The following BBS4 variants were observed in gnomAD, a reference collection of about 807,000 sequenced individuals.
BBS4 encodes the protein BBSome complex member BBS4.
A neutral mutation model predicts 71.4 loss-of-function variants in BBS4; 58 were observed. The observed-to-expected ratio is 0.81, with a 90% CI of 0.66 to 1.01. The LOEUF (loss-of-function observed/expected upper bound fraction) is 1.01. Among genes scored for constraint, BBS4 ranks in the 50% least tolerant of loss-of-function variants. The pLI is 0.00. For missense variants in BBS4, 660 were observed against 607.9 expected, an observed-to-expected ratio of 1.09 and a Z score of -0.90; for synonymous variants, 228 against 216.8, an observed-to-expected ratio of 1.05 and a Z score of -0.46.
chr15:72,728,523 A>G (rs1228670410), intron 9 of BBS4, among the ~76,000 whole-genome samples: 1 of 152,022 alleles, frequency 6.6e-6, no homozygotes, highest in Non-Finnish European at 1.5e-5. Context: ...TTCTTATGCT[A>G]TCCAGGAAAG....
chr15:72,719,568 A>G (rs967579847), intron 6 of BBS4, among the ~76,000 whole-genome samples: 3 of 151,942 alleles, frequency 2.0e-5, no homozygotes, highest in Admixed American at 6.6e-5. Flanking sequence ...GAGCAGAAGA[A>G]GAGAACCCAT....
At chr15:72,725,244 G>C (rs531435201) in intron 8 of BBS4, among the ~76,000 whole-genome samples, 44 of 151,942 alleles carry the variant, frequency 2.9e-4, no homozygotes, top group Non-Finnish European at 3.4e-4. Context: ...AAAAAAAACT[G>C]TTTTTGTGTT....
chr15:72,738,309 ATGAG>A lies in BBS4; in HGVS notation c.*724_*727del, dbSNP rs1567437720. The A allele has an allele frequency of 4.4e-6, 2 of 454,126 alleles. No homozygotes were observed. The highest frequency in any genetic ancestry group is 4.7e-5 in the Admixed American group (2 of 42,580). 28.1% of individuals were successfully genotyped at this position (454,126 alleles called of 1,614,324 possible). On this transcript the variant is annotated 3_prime_UTR_variant, in exon 16 of 16. Transcript: ENST00000268057. The stretch of plus-strand genomic sequence containing the variant: ...AAAGAAAAAAGGAAGAGTTTCTTAG[ATGAG>A]TAATTGTTATTGAAGATAGTCAGTG...
intron 13 of BBS4, 47 bp from the exon 14 acceptor site, chr15:72,735,778 C>G (rs1302321929): frequency 6.2e-7 from 1 of 1,612,388 alleles, no homozygotes; most frequent in South Asian, 1.1e-5. Context: ...TCTAAATGAC[C>G]ATTTGTTGCA....
At chr15:72,734,759 G>A (rs2065888220) in intron 12 of BBS4, among the ~76,000 whole-genome samples, 2 of 152,218 alleles carry the variant, frequency 1.3e-5, no homozygotes, top group African/African-American at 4.8e-5. Context: ...GGATTCCTAA[G>A]TAGGATGGTA....
chr15:72,694,926 A>T (rs2065048378), intron 1 of BBS4, among the ~76,000 whole-genome samples: 2 of 152,208 alleles, frequency 1.3e-5, no homozygotes, highest in African/African-American at 4.8e-5. Context: ...TATATACTAT[A>T]ATTATACATT....
At chr15:72,730,692 C>T (rs571558167) in intron 10 of BBS4, among the ~76,000 whole-genome samples, 1 of 152,278 alleles carries the variant, frequency 6.6e-6, no homozygotes, top group East Asian at 1.9e-4. Context: ...GGAATAGCAT[C>T]AAATGGATGA....
At chr15:72,728,103 A>G (rs1283577348) in intron 9 of BBS4, 109 bp downstream of exon 9, 1 of 776,464 alleles carries the variant, frequency 1.3e-6, no homozygotes, top group Non-Finnish European at 2.3e-6. Context: ...AAGGTCATAT[A>G]AAGTTCATGA....
chr15:72,714,077 T>C (rs762869860), intron 4 of BBS4, among the ~76,000 whole-genome samples: 2 of 152,066 alleles, frequency 1.3e-5, no homozygotes, highest in African/African-American at 2.4e-5. Context: ...GGATTGCTTG[T>C]AATCAAGCTA....
At chr15:72,734,020 G>A (rs993821959) in intron 12 of BBS4, among the ~76,000 whole-genome samples, 1 of 152,188 alleles carries the variant, frequency 6.6e-6, no homozygotes, top group East Asian at 1.9e-4. Flanking sequence ...TCTCTAATCA[G>A]TGATAGAGTT....
chr15:72,697,390 C>T (rs960530242), intron 2 of BBS4, among the ~76,000 whole-genome samples: 5 of 152,118 alleles, frequency 3.3e-5, no homozygotes, highest in Admixed American at 1.3e-4. Context: ...GTTTTTTCAG[C>T]TTTGGCATGA....
At chr15:72,698,896 T>A (rs187649710) in intron 2 of BBS4, among the ~76,000 whole-genome samples, 1 of 152,206 alleles carries the variant, frequency 6.6e-6, no homozygotes, top group East Asian at 1.9e-4. Flanking sequence ...TACAGAATTA[T>A]AGAGTTACAA....
At chr15:72,737,456 C>T in intron 15 of BBS4, 22 bp from the exon 16 acceptor site, 1 of 1,580,618 alleles carries the variant, frequency 6.3e-7, no homozygotes, top group Non-Finnish European at 8.7e-7. Context: ...CATGAGGATT[C>T]AAGTTTTTAT....
At chr15:72,692,443 G>A (rs1446451009) in intron 1 of BBS4, among the ~76,000 whole-genome samples, 2 of 149,212 alleles carry the variant, frequency 1.3e-5, no homozygotes, top group African/African-American at 2.5e-5. Flanking sequence ...AGCCTCCCGA[G>A]TAGCTGAGAC....
Position 72,718,780 on chromosome 15 carries a change from T to C in BBS4, c.405+1930T>C, listed in dbSNP as rs370903392. Reference sequence around the variant, plus strand: ...TAAGATACTCAACTAGAATAGGAAATGAAGGAAGAAGAGCAAGGTTTGGAA... The same window carrying C: ...TAAGATACTCAACTAGAATAGGAAACGAAGGAAGAAGAGCAAGGTTTGGAA... On this transcript the variant is annotated intron_variant, in intron 6 of 15. Coordinates refer to ENST00000268057, the MANE Select transcript of BBS4 (RefSeq NM_033028.5). Among the ~76,000 whole-genome samples the C allele has an allele frequency of 9.2e-5, 14 of 152,204 alleles. No individual in the cohort carries two copies. The East Asian group carries it at 1.2e-3, about 13-fold the overall frequency.
chr15:72,709,991 A>G (rs1404537366), intron 3 of BBS4, among the ~76,000 whole-genome samples: 1 of 152,120 alleles, frequency 6.6e-6, no homozygotes, highest in Non-Finnish European at 1.5e-5. Context: ...ACAAATATTA[A>G]TTGCTCATGG....
At chr15:72,695,695 A>C (rs2150998005) in intron 2 of BBS4, among the ~76,000 whole-genome samples, 1 of 152,346 alleles carries the variant, frequency 6.6e-6, no homozygotes, top group East Asian at 1.9e-4. Context: ...CTTTTATTTA[A>C]TAGAGTTATT....
At chr15:72,722,617 G>A (rs1429634046) in intron 6 of BBS4, among the ~76,000 whole-genome samples, 177 bp from the exon 7 acceptor site, 3 of 152,142 alleles carry the variant, frequency 2.0e-5, no homozygotes, top group Admixed American at 2.0e-4. Flanking sequence ...TTTATGTTGA[G>A]GAACTTATTT....
rs2065634732 is a variant in BBS4 at position 72,724,631 on chromosome 15, T to C, written c.563T>C (p.Ile188Thr). ...CTGGAGGGAGACTTGGACAAGGCCA[T>C]TGAAGTCTACAAGAAAGCAGTGGAG... is the stretch of plus-strand genomic sequence containing the variant. ...HLLEGDLDKA[I>T]EVYKKAVEFS... is the part of the protein sequence containing the mutation. The change falls in exon 8 of 16, where the codon ATT becomes ACT. Residue 188 changes from isoleucine (I) to threonine (T), a missense_variant. By Grantham distance (89) the Ile-to-Thr change is moderately conservative. Transcript: ENST00000268057. 1.2e-6 allele frequency: 2 copies of C among 1,614,090 alleles called. No individual in the cohort carries two copies. The highest frequency in any genetic ancestry group is 8.5e-7 in the Non-Finnish European group (1 of 1,179,974).
Sources: gnomAD v4.1 joint callset for allele counts (sites outside exome capture counted in the v4.1 genomes callset) on GRCh38, gnomAD v4.1.1 for gene constraint, MANE v1.5 for transcripts, NCBI Gene and HGNC (gene_info 2026-07-23, HGNC 2026-07-21) for gene names.